GRIK2: variants seen among roughly 807,000 people sequenced by gnomAD.
GRIK2 encodes the protein glutamate ionotropic receptor kainate type subunit 2.
GRIK2 carries 32 observed loss-of-function variants against 100.3 expected under a neutral mutation model. That is an observed-to-expected ratio of 0.32 (90% CI 0.24 to 0.43). The LOEUF is 0.43. Among genes scored for constraint, GRIK2 ranks in the 20% least tolerant of loss-of-function variants. The pLI is 1.00. For missense variants in GRIK2, 843 were observed against 1,114.9 expected (o/e 0.76, Z 3.47); for synonymous variants, 417 against 389.4 (o/e 1.07, Z -0.83).
At chr6:101,794,689 A>G (rs1216640457) in intron 7 of GRIK2, among the ~76,000 whole-genome samples, 1 of 151,294 alleles carries the variant, frequency 6.6e-6, no homozygotes, top group Non-Finnish European at 1.5e-5. Flanking sequence ...CTTCTTTGCT[A>G]TAATTATTTT....
intron 16 of GRIK2, among the ~76,000 whole-genome samples, chr6:102,065,487 C>A (rs545934580): frequency 3.3e-5 from 5 of 150,590 alleles, no homozygotes; most frequent in Non-Finnish European, 6.0e-5. Flanking sequence ...AGCTTGTATG[C>A]ACATGTGTAA....
chr6:101,533,633 T>C (rs889696613), intron 2 of GRIK2, among the ~76,000 whole-genome samples: 1 of 151,906 alleles, frequency 6.6e-6, no homozygotes, highest in African/African-American at 2.4e-5. Context: ...AGCTGAGATG[T>C]CATGGGAGGC....
At chr6:101,858,392 T>C (rs924733114) in intron 10 of GRIK2, among the ~76,000 whole-genome samples, 1 of 144,168 alleles carries the variant, frequency 6.9e-6, no homozygotes, top group East Asian at 2.0e-4. Context: ...TTTTCTTTTT[T>C]TTTTTTTTTT....
At chr6:101,435,257 G>T (rs944212677) in intron 2 of GRIK2, among the ~76,000 whole-genome samples, 2 of 151,818 alleles carry the variant, frequency 1.3e-5, no homozygotes, top group Admixed American at 1.3e-4. Flanking sequence ...CCTTACCTTT[G>T]TCTGATGTGG....
chr6:101,660,322 C>T (rs1463596869), intron 4 of GRIK2, among the ~76,000 whole-genome samples: 3 of 152,266 alleles, frequency 2.0e-5, no homozygotes, highest in Non-Finnish European at 4.4e-5. Flanking sequence ...TCAGCTCCAT[C>T]AGGTCATTTA....
intron 2 of GRIK2, among the ~76,000 whole-genome samples, chr6:101,598,109 C>T (rs1779013696): frequency 6.6e-6 from 1 of 151,662 alleles, no homozygotes; most frequent in African/African-American, 2.4e-5. Context: ...GAATAGTAAG[C>T]CTTTCTATTT....
intron 2 of GRIK2, among the ~76,000 whole-genome samples, chr6:101,408,539 T>C (rs944231195): frequency 6.6e-6 from 1 of 151,908 alleles, no homozygotes; most frequent in Non-Finnish European, 1.5e-5. Context: ...AGACTTGAGG[T>C]CCAGGAAGAT....
At position 101,960,406 on chromosome 6, in the gene GRIK2, T is replaced by C. The variant is rs571215979; in HGVS notation, c.2085+31774T>C. On this transcript the variant is annotated intron_variant, in intron 14 of 16. Transcript: ENST00000369134. Reference sequence around the variant, plus strand: ...CTTTGGAGGGGTTAAAGCACTCTGTTTTTCCATGGTGCCATAGTTTTTATG... The same window carrying C: ...CTTTGGAGGGGTTAAAGCACTCTGTCTTTCCATGGTGCCATAGTTTTTATG... 5.9e-5 allele frequency among the ~76,000 whole-genome samples: 9 copies of C among 152,278 alleles called. No homozygotes were observed. In the South Asian group the frequency reaches 1.4e-3, roughly 25 times the overall value.
intron 15 of GRIK2, among the ~76,000 whole-genome samples, chr6:102,040,795 C>T (rs977955466): frequency 2.0e-5 from 3 of 151,512 alleles, no homozygotes; most frequent in Non-Finnish European, 3.0e-5. Context: ...GCCAGCCTTC[C>T]GTTTTTCAGC....
intron 14 of GRIK2, among the ~76,000 whole-genome samples, chr6:102,002,795 A>G (rs1795020394): frequency 6.6e-6 from 1 of 150,842 alleles, no homozygotes; most frequent in Admixed American, 6.6e-5. Flanking sequence ...AGATGTATTC[A>G]TTTTTACCTA....
intron 11 of GRIK2, among the ~76,000 whole-genome samples, chr6:101,870,996 A>C (rs1384458701): frequency 1.3e-5 from 2 of 151,874 alleles, no homozygotes. Context: ...CAAAAATCAG[A>C]ATTTTTACCA....
intron 11 of GRIK2, among the ~76,000 whole-genome samples, chr6:101,862,910 A>T (rs1486981036): frequency 6.6e-6 from 1 of 152,028 alleles, no homozygotes; most frequent in African/African-American, 2.4e-5. Flanking sequence ...TCATCTTTTG[A>T]GTTTTTATGA....
chr6:101,550,297 A>C (rs1776443975), intron 2 of GRIK2, among the ~76,000 whole-genome samples: 1 of 152,150 alleles, frequency 6.6e-6, no homozygotes, highest in South Asian at 2.1e-4. Flanking sequence ...TTTATTGTCC[A>C]TTATAGCTGC....
intron 2 of GRIK2, among the ~76,000 whole-genome samples, chr6:101,615,362 A>G (rs1379675920): frequency 6.6e-6 from 1 of 151,770 alleles, no homozygotes; most frequent in Admixed American, 6.6e-5. Flanking sequence ...AAGTATGAGA[A>G]AGCAGTACAT....
chr6:101,719,843 G>C (rs964961882), intron 7 of GRIK2, among the ~76,000 whole-genome samples: 8 of 151,964 alleles, frequency 5.3e-5, no homozygotes, highest in African/African-American at 1.7e-4. Context: ...TACAGCCACT[G>C]TGGTGATGGT....
chr6:101,965,244 G>A (rs1433448424), intron 14 of GRIK2, among the ~76,000 whole-genome samples: 2 of 152,100 alleles, frequency 1.3e-5, no homozygotes, highest in African/African-American at 2.4e-5. Context: ...TTGCATCTTA[G>A]GTGTCCTCCT....
At chr6:101,901,792 G>A (rs76587151) in intron 12 of GRIK2, among the ~76,000 whole-genome samples, 13,194 of 151,588 alleles carry the variant, frequency 0.087, 792 homozygotes, top group Middle Eastern at 0.21. Context: ...AATTGACCAC[G>A]ATTTAAATTT....
intron 10 of GRIK2, among the ~76,000 whole-genome samples, chr6:101,827,148 A>G (rs2518270): frequency 0.29 from 44,613 of 151,740 alleles, 9,253 homozygotes; most frequent in East Asian, 0.64. Flanking sequence ...GAAATTCTCT[A>G]AAGTTATGTT....
At chr6:101,818,631 T>C (rs1781775386) in intron 10 of GRIK2, 148 bp downstream of exon 10, 2 of 589,384 alleles carry the variant, frequency 3.4e-6, no homozygotes, top group Admixed American at 3.2e-5. Context: ...TCAATGTTAA[T>C]TTAGTCACAG....
Sources: allele counts gnomAD v4.1 joint callset (sites outside exome capture counted in the v4.1 genomes callset), GRCh38; gene constraint gnomAD v4.1.1; transcripts MANE v1.5; gene names NCBI Gene and HGNC (gene_info 2026-07-23, HGNC 2026-07-21).